Variants in KIAA1217 observed in about 807,000 individuals in gnomAD.
KIAA1217 encodes KIAA1217.
In KIAA1217, 88 loss-of-function variants were observed where a neutral mutation model predicts 163.9. The ratio of observed to expected loss-of-function variants is 0.54; its 90% CI spans 0.45 to 0.64. The LOEUF is 0.64. Among genes scored for constraint, KIAA1217 ranks in the 30% least tolerant of loss-of-function variants. The pLI, the probability that KIAA1217 is intolerant of heterozygous loss-of-function variation, is 0.00. For missense variants in KIAA1217, 2,372 were observed against 2,475.0 expected (o/e 0.96, Z 0.88); for synonymous variants, 903 against 923.1 (o/e 0.98, Z 0.39).
intron 2 of KIAA1217, among the ~76,000 whole-genome samples, chr10:24,141,602 A>G (rs975305042): frequency 2.6e-5 from 4 of 152,224 alleles, no homozygotes; most frequent in Admixed American, 1.3e-4. Flanking sequence ...AGCAGCATGC[A>G]TCAGTCCTTG....
At chr10:24,332,368 G>A (rs903195768) in intron 2 of KIAA1217, among the ~76,000 whole-genome samples, 1 of 152,198 alleles carries the variant, frequency 6.6e-6, no homozygotes, top group African/African-American at 2.4e-5. Flanking sequence ...GATGTCATTT[G>A]TATGTAACAG....
At chr10:23,918,365 A>C (rs774653677) in intron 1 of KIAA1217, among the ~76,000 whole-genome samples, 4 of 152,132 alleles carry the variant, frequency 2.6e-5, no homozygotes, top group African/African-American at 9.7e-5. Flanking sequence ...GCTCATCTCC[A>C]TGTGAAAAAT....
chr10:24,031,971 A>T (rs1564622761), intron 2 of KIAA1217, among the ~76,000 whole-genome samples: 1 of 152,170 alleles, frequency 6.6e-6, no homozygotes, highest in Non-Finnish European at 1.5e-5. Flanking sequence ...AGAGCATTGG[A>T]AACTACAAAG....
intron 2 of KIAA1217, among the ~76,000 whole-genome samples, chr10:24,379,958 A>T (rs2053067801): frequency 6.6e-6 from 1 of 152,212 alleles, no homozygotes; most frequent in Non-Finnish European, 1.5e-5. Flanking sequence ...AGGTTGAGGC[A>T]GGAGAATTGC....
intron 2 of KIAA1217, among the ~76,000 whole-genome samples, chr10:24,041,666 G>T (rs766065064): frequency 1.1e-4 from 16 of 152,100 alleles, no homozygotes; most frequent in Non-Finnish European, 2.1e-4. Flanking sequence ...TTGTCATGGT[G>T]CTGTGCCTGT....
chr10:24,199,344 T>C (rs1564818797), intron 2 of KIAA1217, among the ~76,000 whole-genome samples: 2 of 152,126 alleles, frequency 1.3e-5, no homozygotes, highest in Non-Finnish European at 2.9e-5. Flanking sequence ...AATCTAACAA[T>C]AATATAGATG....
At position 24,219,648 on chromosome 10, in the gene KIAA1217, T is replaced by C. The variant is rs766568634; in HGVS notation, c.93T>C (p.His31=). ...CAGAACAAGGCAAAGGCAATCTGCATGTAACATCACCAGAAGATGCAGAAT... is the reference window on the plus strand; with the variant it reads ...CAGAACAAGGCAAAGGCAATCTGCACGTAACATCACCAGAAGATGCAGAAT... The part of the protein sequence containing the change: ...QMQEQGKGNL[H]VTSPEDAECR... Residue 31 remains histidine (H), a synonymous_variant, in exon 2 of 21, where the codon CAT becomes CAC. Coordinates refer to ENST00000376454, the MANE Select transcript of KIAA1217 (RefSeq NM_019590.5). 2 of 1,607,754 alleles carry C rather than the reference T, an allele frequency of 1.2e-6. No homozygotes were observed. Among genetic ancestry groups the C allele is most frequent in the Non-Finnish European group, 1.7e-6 (2 of 1,176,516 alleles).
At chr10:24,063,211 C>G (rs1399715359) in intron 2 of KIAA1217, among the ~76,000 whole-genome samples, 25 of 151,944 alleles carry the variant, frequency 1.6e-4, no homozygotes, top group South Asian at 4.2e-4. Flanking sequence ...TGAAGTCCTT[C>G]CCCATGCCTA....
intron 2 of KIAA1217, among the ~76,000 whole-genome samples, chr10:24,250,350 T>C (rs2074332042): frequency 6.6e-6 from 1 of 151,990 alleles, no homozygotes; most frequent in Non-Finnish European, 1.5e-5. Context: ...TTTTGCACAA[T>C]GACTCCCAAA....
intron 1 of KIAA1217, among the ~76,000 whole-genome samples, chr10:23,806,020 A>AAAAAG (rs1836723306): frequency 6.7e-6 from 1 of 149,430 alleles, no homozygotes; most frequent in Non-Finnish European, 1.5e-5. Flanking sequence ...AAAAAAAAAA[A>AAAAAG]AAAAGAAAAG....
chr10:23,761,580 C>G (rs1179543323), intron 1 of KIAA1217, among the ~76,000 whole-genome samples: 2 of 152,138 alleles, frequency 1.3e-5, no homozygotes, highest in Non-Finnish European at 2.9e-5. Context: ...GTTTCTTAAT[C>G]CTGAGTTCTA....
At chr10:24,359,694 A>G (rs1005448529) in intron 2 of KIAA1217, among the ~76,000 whole-genome samples, 2 of 152,196 alleles carry the variant, frequency 1.3e-5, no homozygotes, top group African/African-American at 4.8e-5. Context: ...TTTAGATTCT[A>G]AGATTCCTTA....
chr10:24,361,104 C>T (rs2049930315), intron 2 of KIAA1217, among the ~76,000 whole-genome samples: 1 of 152,020 alleles, frequency 6.6e-6, no homozygotes, highest in Non-Finnish European at 1.5e-5. Context: ...GGTGTATATC[C>T]TTCTCCTATT....
intron 2 of KIAA1217, among the ~76,000 whole-genome samples, chr10:24,155,602 C>T (rs575118285): frequency 2.6e-5 from 4 of 152,234 alleles, no homozygotes; most frequent in Non-Finnish European, 5.9e-5. Flanking sequence ...GGGCGGATCA[C>T]CTGAGGTCAG....
intron 2 of KIAA1217, among the ~76,000 whole-genome samples, chr10:24,298,019 T>C (rs2040825057): frequency 6.6e-6 from 1 of 152,054 alleles, no homozygotes; most frequent in Admixed American, 6.6e-5. Flanking sequence ...ATTTTGGTGG[T>C]GAAAAAGTGT....
rs146150536 is a variant in KIAA1217 at position 24,311,468 on chromosome 10, C to A, written c.355-69401C>A. On this transcript the variant is annotated intron_variant, in intron 2 of 20. Coordinates refer to ENST00000376454, the MANE Select transcript of KIAA1217 (RefSeq NM_019590.5). ...TGTTTGGCTACCCATTGTGTGCTCT[C>A]TAATATTTGCTAGGGATATGGTGAT... 2.0e-3 allele frequency among the ~76,000 whole-genome samples: 306 copies of A among 152,262 alleles called. 3 individuals are homozygous for A. The highest frequency in any genetic ancestry group is 7.0e-3 in the African/African-American group (292 of 41,530).
chr10:24,433,374 A>G (rs550163827), intron 4 of KIAA1217, among the ~76,000 whole-genome samples, 181 bp downstream of exon 4: 76 of 151,264 alleles, frequency 5.0e-4, no homozygotes, highest in African/African-American at 1.7e-3. Context: ...TAGAGTTTAT[A>G]CCAAATTCTA....
At chr10:24,519,737 G>T (rs1403009400) in intron 10 of KIAA1217, among the ~76,000 whole-genome samples, 2 of 152,022 alleles carry the variant, frequency 1.3e-5, no homozygotes, top group Non-Finnish European at 2.9e-5. Context: ...TGCACCGCAG[G>T]TCGGTCTCCC....
At chr10:24,033,677 G>T (rs1331181364) in intron 2 of KIAA1217, among the ~76,000 whole-genome samples, 1 of 152,180 alleles carries the variant, frequency 6.6e-6, no homozygotes, top group Non-Finnish European at 1.5e-5. Flanking sequence ...TATCCATATA[G>T]CAGGTATTGG....
Sources: allele counts gnomAD v4.1 joint callset (sites outside exome capture counted in the v4.1 genomes callset), GRCh38; gene constraint gnomAD v4.1.1; transcripts MANE v1.5; gene names NCBI Gene and HGNC (gene_info 2026-07-23, HGNC 2026-07-21).